The following MICAL2 variants were observed in gnomAD, a reference collection of about 807,000 sequenced individuals.
The protein encoded by MICAL2 is microtubule associated monooxygenase, calponin and LIM domain containing 2, also known as [F-actin]-monooxygenase MICAL2.
Under a neutral mutation model 127.3 loss-of-function variants are expected in MICAL2, and 77 were observed. The ratio of observed to expected loss-of-function variants is 0.60; its 90% confidence interval spans 0.50 to 0.73. The LOEUF is 0.73. MICAL2 is among the 30% of genes least tolerant of loss of function. The probability of loss-of-function intolerance (pLI) is 0.00; values close to 1 mark genes in which losing one functional copy is unlikely to be tolerated. For missense variants in MICAL2, 1,351 were observed against 1,434.4 expected (o/e 0.94, Z 0.94); for synonymous variants, 570 against 551.1 (o/e 1.03, Z -0.48).
intron 3 of MICAL2, among the ~76,000 whole-genome samples, chr11:12,173,967 ATTT>A (rs1029876233): frequency 1.3e-5 from 2 of 152,104 alleles, no homozygotes; most frequent in African/African-American, 4.8e-5. Context: ...ATTTAAAGCT[ATTT>A]TACATTTTTT....
chr11:12,253,996 G>A (rs1343908810), intron 22 of MICAL2: 1 of 152,160 alleles, frequency 6.6e-6, no homozygotes, highest in Non-Finnish European at 1.5e-5. Flanking sequence ...TGGTTCCCCT[G>A]GCAACCAGCC....
chr11:12,277,432 C>T (rs947985294), intron 1 of MICAL2, among the ~76,000 whole-genome samples: 1 of 152,144 alleles, frequency 6.6e-6, no homozygotes, highest in African/African-American at 2.4e-5. Context: ...GGGCATGGAT[C>T]TAAAGGGAAT....
At chr11:12,348,401 T>C (rs1938991005) in intron 32 of MICAL2, among the ~76,000 whole-genome samples, 1 of 152,144 alleles carries the variant, frequency 6.6e-6, no homozygotes, top group Non-Finnish European at 1.5e-5. Context: ...ACCCACAGAT[T>C]TGAAGAGCTG....
intron 2 of MICAL2, among the ~76,000 whole-genome samples, chr11:12,155,232 C>T (rs1211569102): frequency 6.6e-6 from 1 of 152,136 alleles, no homozygotes; most frequent in Non-Finnish European, 1.5e-5. Flanking sequence ...ATATGGAGTG[C>T]TGGCTAGAAA....
chr11:12,359,271 A>T (rs1352954249), downstream of MICAL2: 1 of 152,166 alleles, frequency 6.6e-6, no homozygotes, highest in Admixed American at 6.5e-5. Flanking sequence ...CTGGAAAATA[A>T]TGAAAAGCAT....
chr11:12,187,105 C>T (rs1565122474), intron 3 of MICAL2, among the ~76,000 whole-genome samples: 2 of 152,330 alleles, frequency 1.3e-5, no homozygotes, highest in East Asian at 1.9e-4. Flanking sequence ...GCTCTCTCCC[C>T]GTGTGGGGCT....
intron 3 of MICAL2, among the ~76,000 whole-genome samples, chr11:12,175,737 C>T (rs1839125962): frequency 6.6e-6 from 1 of 151,964 alleles, no homozygotes; most frequent in Non-Finnish European, 1.5e-5. Context: ...CCTAAAGGAG[C>T]AAGGTGATGA....
intron 1 of MICAL2, among the ~76,000 whole-genome samples, chr11:12,116,197 C>T (rs1440876486): frequency 6.6e-6 from 1 of 151,906 alleles, no homozygotes; most frequent in African/African-American, 2.4e-5. Context: ...CCAGGATGGT[C>T]TTGATCTCCT....
At chr11:12,295,393 A>G (rs1483220400), downstream of MICAL2, among the ~76,000 whole-genome samples, 2 of 147,920 alleles carry the variant, frequency 1.4e-5, no homozygotes, top group Non-Finnish European at 3.0e-5. Flanking sequence ...ACCCATCTCA[A>G]CCTCCCAAAG....
intron 3 of MICAL2, among the ~76,000 whole-genome samples, chr11:12,182,530 C>T (rs756729860): frequency 6.6e-6 from 1 of 152,096 alleles, no homozygotes; most frequent in African/African-American, 2.4e-5. Flanking sequence ...TTGTCAGAAA[C>T]GTAAATTCCT....
At position 12,258,555 on chromosome 11, in the gene MICAL2, A is replaced by T; in HGVS notation, c.3230A>T (p.Glu1077Val). 1 of 1,613,016 alleles carries T rather than the reference A, an allele frequency of 6.2e-7. No homozygotes were observed. The change falls in exon 25 of 28, where the codon GAG (glutamate) becomes GTG (valine). Residue 1077 changes from glutamate (E) to valine (V), a missense_variant and splice_region_variant. By Grantham distance (121) the Glu-to-Val change is moderately radical (BLOSUM62 -2). Transcript: ENST00000683283. ...KRRAELKQQREEEATWQEQEA... is the reference protein window; with the variant it reads ...KRRAELKQQRVEEATWQEQEA... ...CGGGCAGAGTTGAAGCAACAAAGAG[A>T]GGTATGTTTGTCTCAAACATGCTGG...
rs554159953 is a variant in MICAL2, at chr11:12,186,625, T to C, written c.265-17625T>C. Reference sequence around the variant, plus strand: ...ATAACACAGGCAGGCTTCCAGTCTCTGGGCCTCAGTTTACCCAGCTGCAAA... The same window carrying C: ...ATAACACAGGCAGGCTTCCAGTCTCCGGGCCTCAGTTTACCCAGCTGCAAA... On this transcript the variant is annotated intron_variant, in intron 3 of 27. Transcript: ENST00000683283. 3.4e-4 allele frequency among the ~76,000 whole-genome samples: 52 copies of C among 152,328 alleles called. 1 individual carries two copies. In the South Asian group the frequency reaches 0.011, roughly 31 times the overall value.
chr11:12,221,258 T>G (rs1856785525), intron 9 of MICAL2, among the ~76,000 whole-genome samples: 2 of 152,302 alleles, frequency 1.3e-5, no homozygotes, highest in Admixed American at 6.5e-5. Flanking sequence ...GCCAGCATTT[T>G]CCAACCACCA....
chr11:12,113,269 G>A lies in MICAL2; in HGVS notation c.-149+2543G>A, dbSNP rs534717657. Among the ~76,000 whole-genome samples, 5 of 152,316 alleles carry A rather than the reference G, an allele frequency of 3.3e-5. No homozygotes were observed. In the East Asian group the frequency reaches 7.7e-4, roughly 23 times the overall value. ...GACCCAGAAAGGTTACAACTTGGCCGGGTGTGGTGGCTCATGCCTGTAAAA... is the reference window on the plus strand; with the variant it reads ...GACCCAGAAAGGTTACAACTTGGCCAGGTGTGGTGGCTCATGCCTGTAAAA... On this transcript the variant is annotated intron_variant, in intron 1 of 27. Transcript: ENST00000683283.
At chr11:12,324,931 C>T (rs1387199465) in intron 31 of MICAL2, among the ~76,000 whole-genome samples, 2 of 152,072 alleles carry the variant, frequency 1.3e-5, no homozygotes, top group Non-Finnish European at 2.9e-5. Context: ...CTTTTCCTTC[C>T]AAGAACAAGA....
At chr11:12,216,013 A>G (rs1183122440) in intron 7 of MICAL2, among the ~76,000 whole-genome samples, 7 of 152,220 alleles carry the variant, frequency 4.6e-5, no homozygotes, top group Non-Finnish European at 1.0e-4. Flanking sequence ...TAATGCCGCT[A>G]TAGAACTATA....
chr11:12,344,541 C>G (rs544424995), intron 32 of MICAL2, among the ~76,000 whole-genome samples: 1 of 147,942 alleles, frequency 6.8e-6, no homozygotes, highest in South Asian at 2.1e-4. Flanking sequence ...GCTCCTGTTG[C>G]CCAGGCTGGA....
upstream of MICAL2, among the ~76,000 whole-genome samples, chr11:12,275,168 G>T (rs1339177599): frequency 1.3e-5 from 2 of 152,234 alleles, no homozygotes; most frequent in Non-Finnish European, 2.9e-5. Context: ...GCCATTTACT[G>T]AGAGGGGGAA....
At chr11:12,152,188 C>T (rs895400444) in intron 2 of MICAL2, among the ~76,000 whole-genome samples, 1 of 142,458 alleles carries the variant, frequency 7.0e-6, no homozygotes, top group Middle Eastern at 3.4e-3. Flanking sequence ...ATCCCAGCTA[C>T]TTGGGAGGCT....
Sources: gnomAD v4.1 joint callset for allele counts (sites outside exome capture counted in the v4.1 genomes callset) on GRCh38, gnomAD v4.1.1 for gene constraint, MANE v1.5 for transcripts, NCBI Gene and HGNC (gene_info 2026-07-23, HGNC 2026-07-21) for gene names.